RNF130: variants seen among roughly 807,000 people sequenced by gnomAD.
RNF130 encodes ring finger protein 130, also known as E3 ubiquitin-protein ligase RNF130.
In RNF130, 21 loss-of-function variants were observed where a neutral mutation model predicts 44.6. That is an observed-to-expected ratio of 0.47 (90% confidence interval 0.33 to 0.68). The LOEUF is 0.68. RNF130 is among the 30% of genes least tolerant of loss of function. The probability of loss-of-function intolerance (pLI) is 0.02; values close to 1 mark genes in which losing one functional copy is unlikely to be tolerated. For missense variants in RNF130, 479 were observed against 560.6 expected, an observed-to-expected ratio of 0.85 and a Z score of 1.47; for synonymous variants, 214 against 210.4, an observed-to-expected ratio of 1.02 and a Z score of -0.15.
At chr5:180,012,915 G>A (rs1763624912) in intron 3 of RNF130, 146 bp downstream of exon 3, 2 of 876,414 alleles carry the variant, frequency 2.3e-6, no homozygotes, top group Non-Finnish European at 3.5e-6. Flanking sequence ...AAATACTCAT[G>A]TAGACGTTTC....
At chr5:180,017,801 TGGGCTCCGGAATCGGAG>T (rs369365790) in intron 2 of RNF130, among the ~76,000 whole-genome samples, 1 of 152,304 alleles carries the variant, frequency 6.6e-6, no homozygotes, top group Non-Finnish European at 1.5e-5. Flanking sequence ...TAAGCTCCTT[TGGGCTCCGGAATCGGAG>T]GGTCTAGGTT....
intron 8 of RNF130, among the ~76,000 whole-genome samples, chr5:179,959,030 G>T (rs1392230105): frequency 6.6e-6 from 1 of 152,110 alleles, no homozygotes; most frequent in East Asian, 1.9e-4. Context: ...TGTAGATATC[G>T]CCAGAGCTCC....
intron 3 of RNF130, among the ~76,000 whole-genome samples, chr5:179,992,445 A>C (rs1366814202): frequency 6.6e-6 from 1 of 152,212 alleles, no homozygotes; most frequent in Admixed American, 6.5e-5. Flanking sequence ...CCCGGCCCTA[A>C]ATCATTGTTA....
chr5:179,941,812 A>G (rs913043389), intron 7 of RNF130, among the ~76,000 whole-genome samples: 3 of 152,218 alleles, frequency 2.0e-5, no homozygotes, highest in African/African-American at 7.2e-5. Flanking sequence ...TGACATTACC[A>G]GAAAGAGAAA....
chr5:179,985,337 T>G (rs75691177), intron 3 of RNF130, among the ~76,000 whole-genome samples: 1,842 of 152,208 alleles, frequency 0.012, 32 homozygotes, highest in African/African-American at 0.042. Flanking sequence ...CAGTGCCATC[T>G]TTCCAGACTT....
intron 3 of RNF130, among the ~76,000 whole-genome samples, chr5:179,988,536 T>C (rs1252619072): frequency 2.0e-5 from 3 of 152,352 alleles, no homozygotes; most frequent in South Asian, 2.1e-4. Context: ...AGGCATTCAT[T>C]GCTATAAACA....
chr5:180,017,285 G>A (rs551235936), intron 2 of RNF130, among the ~76,000 whole-genome samples: 5 of 152,136 alleles, frequency 3.3e-5, no homozygotes, highest in East Asian at 1.9e-4. Context: ...TCCTCAGCTC[G>A]TCACTTCAGG....
At chr5:180,070,990 C>T (rs942304293) in intron 1 of RNF130, among the ~76,000 whole-genome samples, 2 of 151,490 alleles carry the variant, frequency 1.3e-5, no homozygotes, top group East Asian at 2.0e-4. Context: ...CACCCCCCCC[C>T]CAATTTACCA....
intron 3 of RNF130, among the ~76,000 whole-genome samples, chr5:179,986,053 C>A (rs1762944656): frequency 6.6e-6 from 1 of 152,196 alleles, no homozygotes; most frequent in Admixed American, 6.5e-5. Flanking sequence ...GTGCTATATC[C>A]TTTGCTTTCC....
intron 7 of RNF130, among the ~76,000 whole-genome samples, chr5:179,943,969 G>A (rs1761999227): frequency 6.6e-6 from 1 of 151,718 alleles, no homozygotes; most frequent in Non-Finnish European, 1.5e-5. Flanking sequence ...CTTTATTTCT[G>A]AGAAATTTTT....
intron 7 of RNF130, chr5:179,963,844 G>A (rs925966953): frequency 6.9e-5 from 27 of 388,540 alleles, no homozygotes; most frequent in Middle Eastern, 1.3e-3. Flanking sequence ...AAAAGTGTGC[G>A]GTGAAAATAT....
At chr5:180,041,712 T>C (rs539976883) in intron 1 of RNF130, among the ~76,000 whole-genome samples, 1 of 152,270 alleles carries the variant, frequency 6.6e-6, no homozygotes, top group Admixed American at 6.5e-5. Flanking sequence ...GTCCTCTGTG[T>C]GCCGGGAAGG....
intron 1 of RNF130, among the ~76,000 whole-genome samples, chr5:180,053,898 C>T (rs1764743107): frequency 6.6e-6 from 1 of 150,890 alleles, no homozygotes; most frequent in Non-Finnish European, 1.5e-5. Context: ...GGCACGATCT[C>T]GGCTCACTGC....
At chr5:180,011,403 T>C (rs1208831342) in intron 3 of RNF130, among the ~76,000 whole-genome samples, 1 of 152,212 alleles carries the variant, frequency 6.6e-6, no homozygotes, top group Admixed American at 6.5e-5. Context: ...TTTTATAAAA[T>C]ATATAACAAA....
At chr5:179,969,111 T>C (rs1236836754) in intron 6 of RNF130, among the ~76,000 whole-genome samples, 3 of 152,234 alleles carry the variant, frequency 2.0e-5, no homozygotes, top group East Asian at 3.9e-4. Context: ...TTTTGTTCCA[T>C]AAGGAGATCA....
chr5:179,984,624 A>G (rs758628802), intron 3 of RNF130, among the ~76,000 whole-genome samples: 29 of 152,058 alleles, frequency 1.9e-4, no homozygotes, highest in Admixed American at 1.1e-3. Flanking sequence ...ATTTATATAT[A>G]TTGTTAAATA....
Position 180,031,913 on chromosome 5 carries a change from T to C in RNF130, c.442+8540A>G, listed in dbSNP as rs77419386. On this transcript the variant is annotated intron_variant, in intron 2 of 8. Coordinates refer to ENST00000521389, the MANE Select transcript of RNF130 (RefSeq NM_018434.6). ...GTTTATCCACATCCTCAACAAAACT[T>C]GGTACTGTATGACTTTTTAATTATG... 8.1e-3 allele frequency among the ~76,000 whole-genome samples: 1,229 copies of C among 152,348 alleles called. 18 individuals are homozygous for C. Among genetic ancestry groups the C allele is most frequent in the African/African-American group, 0.029 (1,186 of 41,578 alleles).
At chr5:179,948,988 T>G (rs1582135142) in intron 7 of RNF130, among the ~76,000 whole-genome samples, 1 of 145,224 alleles carries the variant, frequency 6.9e-6, no homozygotes, top group East Asian at 2.0e-4. Flanking sequence ...TTTTTTGAGA[T>G]GGAGTCTCGC....
Position 180,071,660 on chromosome 5 carries a change from G to A in RNF130, c.43C>T (p.Leu15Phe), listed in dbSNP as rs961235291. ...GRAGPARLAA[L>F]ALLTCSLWPA... ...CACAGGCTGCAGGTCAGCAGGGCGA[G>A]CGCGGCGAGCCGGGCAGGGCCCGCC... The change falls in exon 1 of 9, where the codon CTC (leucine) becomes TTC (phenylalanine). Residue 15 changes from leucine (L) to phenylalanine (F), a missense_variant. Transcript: ENST00000521389. 2.1e-6 allele frequency: 3 copies of A among 1,436,496 alleles called. No individual in the cohort carries two copies. The highest frequency in any genetic ancestry group is 2.7e-6 in the Non-Finnish European group (3 of 1,092,316). 89.0% of individuals were successfully genotyped at this position (1,436,496 alleles called of 1,614,324 possible). A position where few individuals can be genotyped will look rare whatever the true frequency, so the allele number is the denominator to read the frequency against.
Sources: gnomAD v4.1 joint callset for allele counts (sites outside exome capture counted in the v4.1 genomes callset) on GRCh38, gnomAD v4.1.1 for gene constraint, MANE v1.5 for transcripts, NCBI Gene and HGNC (gene_info 2026-07-23, HGNC 2026-07-21) for gene names.